The following PICALM variants were observed in gnomAD, a reference collection of about 807,000 sequenced individuals.
The protein encoded by PICALM is phosphatidylinositol-binding clathrin assembly protein.
A neutral mutation model predicts 80.5 loss-of-function variants in PICALM; 40 were observed. That is an observed-to-expected ratio of 0.50 (90% confidence interval 0.39 to 0.65). The LOEUF (loss-of-function observed/expected upper bound fraction) is 0.65, where lower values mean the gene tolerates loss of function less well. PICALM is among the 30% of genes least tolerant of loss of function. PICALM has a pLI of 0.00. For synonymous variants in PICALM, 288 were observed against 260.3 expected, an observed-to-expected ratio of 1.11 and a Z score of -1.02; for missense variants, 676 against 778.9, an observed-to-expected ratio of 0.87 and a Z score of 1.57.
chr11:85,984,206 A>T (rs1329848568), intron 13 of PICALM, among the ~76,000 whole-genome samples: 1 of 152,170 alleles, frequency 6.6e-6, no homozygotes, highest in Non-Finnish European at 1.5e-5. Flanking sequence ...TGAACTGAAA[A>T]TATGCTTCAT....
At chr11:86,003,487 T>C in intron 8 of PICALM, 36 bp from the exon 9 acceptor site, 1 of 1,326,676 alleles carries the variant, frequency 7.5e-7, no homozygotes, top group Non-Finnish European at 1.1e-6. Context: ...TTCATGATAA[T>C]TAGGCCACTG....
At chr11:86,040,812 C>A (rs664596) in intron 1 of PICALM, among the ~76,000 whole-genome samples, 39,031 of 151,978 alleles carry the variant, frequency 0.26, 5,170 homozygotes, top group South Asian at 0.3. Context: ...GGAAATGACC[C>A]GGATGCAATT....
chr11:86,034,508 C>T (rs1394033302), intron 1 of PICALM, among the ~76,000 whole-genome samples: 1 of 152,086 alleles, frequency 6.6e-6, no homozygotes, highest in Non-Finnish European at 1.5e-5. Context: ...TCTTAAAAAG[C>T]AAAAACTGTA....
At chr11:85,975,218 T>C (rs2094239363) in intron 18 of PICALM, among the ~76,000 whole-genome samples, 1 of 152,218 alleles carries the variant, frequency 6.6e-6, no homozygotes, top group African/African-American at 2.4e-5. Flanking sequence ...CAAGTACTTT[T>C]GCCATTATGC....
intron 1 of PICALM, among the ~76,000 whole-genome samples, chr11:86,042,311 T>G (rs565209489): frequency 6.6e-6 from 1 of 152,248 alleles, no homozygotes; most frequent in Non-Finnish European, 1.5e-5. Context: ...ATTTATTACT[T>G]CTATGTCAAT....
chr11:86,046,433 A>ATATAT (rs769459017), intron 1 of PICALM, among the ~76,000 whole-genome samples: 1 of 152,222 alleles, frequency 6.6e-6, no homozygotes, highest in Non-Finnish European at 1.5e-5. Flanking sequence ...TAGTAAGGTG[A>ATATAT]TATATTTAGG....
chr11:86,031,720 A>G, intron 1 of PICALM, 109 bp from the exon 2 acceptor site: 1 of 742,268 alleles, frequency 1.3e-6, no homozygotes, highest in East Asian at 2.7e-5. Context: ...GTGGAGCAGT[A>G]ATAGTTTGGA....
At chr11:86,063,918 A>G (rs2096406374) in intron 1 of PICALM, among the ~76,000 whole-genome samples, 1 of 152,168 alleles carries the variant, frequency 6.6e-6, no homozygotes, top group Non-Finnish European at 1.5e-5. Context: ...TAAATAAAAG[A>G]TATCCTGGGA....
At chr11:85,960,850 G>A (rs2093664570) in intron 19 of PICALM, 6 of 595,730 alleles carry the variant, frequency 1.0e-5, no homozygotes, top group Non-Finnish European at 1.5e-5. Context: ...AGCAGAAAAT[G>A]TATGAAAGAA....
At chr11:86,048,552 G>C (rs1011790616) in intron 1 of PICALM, among the ~76,000 whole-genome samples, 2 of 152,072 alleles carry the variant, frequency 1.3e-5, no homozygotes, top group African/African-American at 4.8e-5. Flanking sequence ...AAGAAAAATA[G>C]GCCGGGTGCA....
At chr11:86,027,725 T>G (rs1427192480) in intron 2 of PICALM, among the ~76,000 whole-genome samples, 1 of 152,106 alleles carries the variant, frequency 6.6e-6, no homozygotes, top group Non-Finnish European at 1.5e-5. Flanking sequence ...CTTACTACAT[T>G]GCCTAGGCTG....
intron 1 of PICALM, among the ~76,000 whole-genome samples, chr11:86,041,543 GAAGA>G (rs141667063): frequency 0.16 from 23,883 of 151,982 alleles, 2,379 homozygotes; most frequent in Middle Eastern, 0.24. Context: ...AATATGTAGA[GAAGA>G]AAGAATTCAG....
At chr11:85,967,282 TG>T (rs1302948742) in intron 19 of PICALM, among the ~76,000 whole-genome samples, 2 of 152,244 alleles carry the variant, frequency 1.3e-5, no homozygotes, top group Non-Finnish European at 2.9e-5. Flanking sequence ...ACATGGTCAC[TG>T]ATGTTCGTCA....
At chr11:86,033,197 T>C (rs1293392833) in intron 1 of PICALM, among the ~76,000 whole-genome samples, 1 of 152,146 alleles carries the variant, frequency 6.6e-6, no homozygotes, top group Non-Finnish European at 1.5e-5. Context: ...TACACTAGAC[T>C]TCAGTTTCAA....
rs371704520 is a variant in PICALM, at chr11:86,065,231, T to C, written c.130+3420A>G. On this transcript the variant is annotated intron_variant, in intron 1 of 19. Transcript: ENST00000393346. ...GGGAGGCCGAGGCGGGCGAATCATG[T>C]GGTCAAGAGATCCAGACCATCCTGG... Among the ~76,000 whole-genome samples the C allele has an allele frequency of 9.5e-4, 144 of 152,258 alleles. 5 individuals are homozygous for C. In the South Asian group the frequency reaches 0.027, roughly 29 times the overall value.
rs1369981561 is a variant in PICALM, at chr11:86,068,983, A to C, written c.-203T>G. 1 of 619,084 alleles carries C rather than the reference A, an allele frequency of 1.6e-6. No homozygotes were observed. Among genetic ancestry groups the C allele is most frequent in the African/African-American group, 1.9e-5 (1 of 52,932 alleles). The allele number at this position is 619,084 out of a possible 1,614,324, so 38.3% of individuals were successfully genotyped here. A position where few individuals can be genotyped will look rare whatever the true frequency, so the allele number is the denominator to read the frequency against. Reference sequence around the variant, plus strand: ...CGTGTCACCCGCGGAGTCGGACAAGATGTCGGGCACTCCCTTGCCCCCGCC... The same window carrying C: ...CGTGTCACCCGCGGAGTCGGACAAGCTGTCGGGCACTCCCTTGCCCCCGCC... On this transcript the variant is annotated 5_prime_UTR_variant, in exon 1 of 20. Coordinates refer to ENST00000393346, the MANE Select transcript of PICALM (RefSeq NM_007166.4).
intron 13 of PICALM, among the ~76,000 whole-genome samples, chr11:85,986,065 T>C (rs976057222): frequency 6.6e-6 from 1 of 152,010 alleles, no homozygotes; most frequent in African/African-American, 2.4e-5. Flanking sequence ...AGAAAGACTA[T>C]AAAGTAACCC....
intron 1 of PICALM, among the ~76,000 whole-genome samples, chr11:86,063,877 GA>G (rs200203777): frequency 7.7e-5 from 11 of 143,674 alleles, no homozygotes; most frequent in Non-Finnish European, 1.2e-4. Context: ...GATCCTTTTG[GA>G]AAAAAAAAAA....
chr11:85,959,633 CAAAAAAA>C (rs1161064257), intron 19 of PICALM, among the ~76,000 whole-genome samples: 2 of 45,204 alleles, frequency 4.4e-5, no homozygotes, highest in African/African-American at 2.0e-4. Context: ...AACTCCATCT[CAAAAAAA>C]AAAAAAAAAA....
Sources: gnomAD v4.1 joint callset for allele counts (sites outside exome capture counted in the v4.1 genomes callset) on GRCh38, gnomAD v4.1.1 for gene constraint, MANE v1.5 for transcripts, NCBI Gene and HGNC (gene_info 2026-07-23, HGNC 2026-07-21) for gene names.